ARHGEF10: variants seen among roughly 807,000 people sequenced by gnomAD.
ARHGEF10 encodes the protein Rho guanine nucleotide exchange factor 10.
ARHGEF10 carries 140 observed loss-of-function variants against 147.4 expected under a neutral mutation model. That is an observed-to-expected ratio of 0.95 (90% confidence interval 0.83 to 1.09). The LOEUF is 1.09. Among genes scored for constraint, ARHGEF10 ranks in the 50% least tolerant of loss-of-function variants. The probability of loss-of-function intolerance (pLI) is 0.00; values close to 1 mark genes in which losing one functional copy is unlikely to be tolerated. For missense variants in ARHGEF10, 2,222 were observed against 1,752.7 expected (o/e 1.27, Z -4.78); for synonymous variants, 902 against 695.8 (o/e 1.30, Z -4.67).
intron 2 of ARHGEF10, among the ~76,000 whole-genome samples, chr8:1,851,063 G>T (rs958329341): frequency 1.3e-5 from 2 of 152,186 alleles, no homozygotes; most frequent in African/African-American, 4.8e-5. Context: ...GCGGAGCACG[G>T]GATTTTTAGG....
At chr8:1,839,884 G>C (rs1300813943) in intron 1 of ARHGEF10, among the ~76,000 whole-genome samples, 3 of 146,242 alleles carry the variant, frequency 2.1e-5, no homozygotes, top group Non-Finnish European at 3.0e-5. Context: ...TGTGGAAACT[G>C]TCTGGTGTGG....
At chr8:1,856,871 G>C (rs1049303830) in intron 2 of ARHGEF10, among the ~76,000 whole-genome samples, 4 of 152,200 alleles carry the variant, frequency 2.6e-5, no homozygotes, top group Non-Finnish European at 4.4e-5. Context: ...GGAAAGGCTG[G>C]CAGGGGCTGG....
intron 27 of ARHGEF10, 176 bp downstream of exon 27, chr8:1,945,831 T>G (rs1369054531): frequency 9.9e-7 from 1 of 1,010,476 alleles, no homozygotes; most frequent in Non-Finnish European, 1.5e-6. Context: ...CGGAGCATGG[T>G]CAGCCCACTT....
At chr8:1,825,861 G>A (rs1417139931) in intron 1 of ARHGEF10, among the ~76,000 whole-genome samples, 1 of 152,228 alleles carries the variant, frequency 6.6e-6, no homozygotes, top group South Asian at 2.1e-4. Context: ...TTCTGTGCAG[G>A]AGTGACTTAA....
At chr8:1,875,105 C>G (rs1807567843) in intron 7 of ARHGEF10, among the ~76,000 whole-genome samples, 1 of 20,386 alleles carries the variant, frequency 4.9e-5, no homozygotes, top group Non-Finnish European at 1.2e-4. Flanking sequence ...CTAAGACAGT[C>G]TGGTGGGAGA....
intron 17 of ARHGEF10, among the ~76,000 whole-genome samples, chr8:1,907,427 A>C (rs1215098212): frequency 6.6e-6 from 1 of 152,202 alleles, no homozygotes; most frequent in African/African-American, 2.4e-5. Context: ...AAGATCATAG[A>C]AGTGAAATGA....
At position 1,948,862 on chromosome 8, in the gene ARHGEF10, C is replaced by A. The variant is rs1042920645; in HGVS notation, c.3397+3207C>A. On this transcript the variant is annotated intron_variant, in intron 27 of 28. Coordinates refer to ENST00000349830, the MANE Select transcript of ARHGEF10 (RefSeq NM_014629.4). This position sits in a 1 kb window ranked among gnomAD's most constrained non-coding sequence, Gnocchi z 4.9. ...CATACCGTGCTGAAGTGCGCGGATGCTGAGGTCGCCGGGCCGTCACTGCTC... is the reference window on the plus strand; with the variant it reads ...CATACCGTGCTGAAGTGCGCGGATGATGAGGTCGCCGGGCCGTCACTGCTC... Among the ~76,000 whole-genome samples, 5 of 152,186 alleles carry A rather than the reference C, an allele frequency of 3.3e-5. No individual in the cohort carries two copies. Among genetic ancestry groups the A allele is most frequent in the Admixed American group, 6.6e-5 (1 of 15,260 alleles).
At position 1,944,186 on chromosome 8, in the gene ARHGEF10, A is replaced by G. The variant is rs546876691; in HGVS notation, c.3223-1295A>G. 1.2e-3 allele frequency among the ~76,000 whole-genome samples: 164 copies of G among 138,996 alleles called. 1 individual carries two copies. The highest frequency in any genetic ancestry group is 4.1e-3 in the African/African-American group (147 of 35,724). 91.2% of individuals were successfully genotyped at this position (138,996 alleles called of 152,430 possible). On this transcript the variant is annotated intron_variant, in intron 26 of 28. Transcript: ENST00000349830. Reference sequence around the variant, plus strand: ...GGATCCCAGCTTCCCGCACCGTGCTACCTCCCTGGGGACCCCAGCCTCCTG... The same window carrying G: ...GGATCCCAGCTTCCCGCACCGTGCTGCCTCCCTGGGGACCCCAGCCTCCTG...
chr8:1,892,724 G>A (rs916707793), intron 11 of ARHGEF10, among the ~76,000 whole-genome samples: 3 of 151,964 alleles, frequency 2.0e-5, no homozygotes, highest in Non-Finnish European at 4.4e-5. Context: ...AGTGTGTGTG[G>A]TGTGGTGTGC....
intron 1 of ARHGEF10, among the ~76,000 whole-genome samples, chr8:1,838,686 A>C (rs1265441165): frequency 1.3e-5 from 2 of 152,208 alleles, no homozygotes; most frequent in Admixed American, 1.3e-4. Flanking sequence ...ATGGGATCCG[A>C]TTGTCGGAAG....
At chr8:1,897,808 G>A (rs956846850) in intron 14 of ARHGEF10, among the ~76,000 whole-genome samples, 8 of 152,148 alleles carry the variant, frequency 5.3e-5, no homozygotes, top group Non-Finnish European at 1.2e-4. Context: ...TCCTCAGCTC[G>A]GTGGCTGCCA....
chr8:1,927,173 A>G (rs370076998), intron 23 of ARHGEF10: 1 of 154,834 alleles, frequency 6.5e-6, no homozygotes, highest in Admixed American at 6.3e-5. Context: ...CCAACCTATG[A>G]ATGGAGGAGT....
At position 1,859,434 on chromosome 8, in the gene ARHGEF10, G is replaced by A. The variant is rs546256420; in HGVS notation, c.194-463G>A. On this transcript the variant is annotated intron_variant, in intron 3 of 28. Coordinates refer to ENST00000349830, the MANE Select transcript of ARHGEF10 (RefSeq NM_014629.4). Reference sequence around the variant, plus strand: ...CGGTGTTTCTTTGTGCGCAGCACCCGCCTCTCTGCTTACATGGTGTTTCTT... The same window carrying A: ...CGGTGTTTCTTTGTGCGCAGCACCCACCTCTCTGCTTACATGGTGTTTCTT... 4.1e-5 allele frequency among the ~76,000 whole-genome samples: 6 copies of A among 147,462 alleles called. No homozygotes were observed. The South Asian group carries it at 1.1e-3, about 27-fold the overall frequency.
rs1040058779 is a variant in ARHGEF10 at position 1,895,679 on chromosome 8, G to A, written c.1441-654G>A. Among the ~76,000 whole-genome samples, 4 of 152,060 alleles carry A rather than the reference G, an allele frequency of 2.6e-5. 1 individual carries two copies. In the South Asian group the frequency reaches 8.3e-4, roughly 32 times the overall value. ...AGATTTTTTAAAGAAATAGAATTTT[G>A]ATGAAAACATTCCTGCTATCAATGC... On this transcript the variant is annotated intron_variant, in intron 13 of 28. Transcript: ENST00000349830.
At chr8:1,909,129 G>C (rs541986834) in intron 17 of ARHGEF10, among the ~76,000 whole-genome samples, 166 bp from the exon 18 acceptor site, 6 of 152,346 alleles carry the variant, frequency 3.9e-5, no homozygotes, top group Admixed American at 1.3e-4. Flanking sequence ...ATGGCAGCAA[G>C]TGGGGACTCA....
rs770221742 is a variant in ARHGEF10, at chr8:1,948,380, T to G, written c.3397+2725T>G. Among the ~76,000 whole-genome samples the G allele has an allele frequency of 1.3e-5, 2 of 152,206 alleles. No homozygotes were observed. Among genetic ancestry groups the G allele is most frequent in the African/African-American group, 2.4e-5 (1 of 41,456 alleles). ...ATGAGTCTGTCCAGATGGAGTGCCGTGCTTCTCGTTGGCAGGTTTCTCCGG... is the reference window on the plus strand; with the variant it reads ...ATGAGTCTGTCCAGATGGAGTGCCGGGCTTCTCGTTGGCAGGTTTCTCCGG... On this transcript the variant is annotated intron_variant, in intron 27 of 28. Coordinates refer to ENST00000349830, the MANE Select transcript of ARHGEF10 (RefSeq NM_014629.4). This position sits in a 1 kb window ranked among gnomAD's most constrained non-coding sequence, Gnocchi z 4.9.
At chr8:1,833,804 C>T (rs953144529) in intron 1 of ARHGEF10, among the ~76,000 whole-genome samples, 1 of 152,246 alleles carries the variant, frequency 6.6e-6, no homozygotes, top group Non-Finnish European at 1.5e-5. Flanking sequence ...CCCCCATCCC[C>T]AGCTCCCTGT....
intron 18 of ARHGEF10, among the ~76,000 whole-genome samples, chr8:1,920,253 G>T (rs892377121): frequency 6.6e-6 from 1 of 152,236 alleles, no homozygotes; most frequent in African/African-American, 2.4e-5. Flanking sequence ...GATGATAATT[G>T]TGAAGATCAT....
chr8:1,873,537 C>T (rs1010983604), intron 7 of ARHGEF10, among the ~76,000 whole-genome samples: 1 of 95,222 alleles, frequency 1.1e-5, no homozygotes, highest in Non-Finnish European at 2.0e-5. Flanking sequence ...GGGTAGTGCA[C>T]CCGCATTTCC....
Sources: allele counts gnomAD v4.1 joint callset (sites outside exome capture counted in the v4.1 genomes callset), GRCh38; gene constraint gnomAD v4.1.1; non-coding constraint Gnocchi (gnomAD v3.1); transcripts MANE v1.5; gene names NCBI Gene and HGNC (gene_info 2026-07-23, HGNC 2026-07-21).